Variants in TSPAN5 observed in about 807,000 individuals in gnomAD.
TSPAN5 encodes tetraspanin 5.
In TSPAN5, 10 loss-of-function variants were observed where a neutral mutation model predicts 37.1. That is an observed-to-expected ratio of 0.27 (90% CI 0.17 to 0.46). The LOEUF is 0.46. Among genes scored for constraint, TSPAN5 ranks in the 20% least tolerant of loss-of-function variants. TSPAN5 has a pLI of 1.00. For synonymous variants in TSPAN5, 110 were observed against 118.9 expected (o/e 0.93, Z 0.48); for missense variants, 195 against 326.6 (o/e 0.60, Z 3.11).
At chr4:98,584,333 T>G (rs1755439917) in intron 1 of TSPAN5, among the ~76,000 whole-genome samples, 1 of 152,206 alleles carries the variant, frequency 6.6e-6, no homozygotes, top group South Asian at 2.1e-4. Context: ...GCAGTGAAAA[T>G]ACTCATTTCT....
chr4:98,571,564 GT>G (rs929009632), intron 1 of TSPAN5, among the ~76,000 whole-genome samples: 1 of 150,760 alleles, frequency 6.6e-6, no homozygotes, highest in African/African-American at 2.4e-5. Flanking sequence ...GGTGAGGTAA[GT>G]AAAAAAAAAC....
chr4:98,602,285 C>G (rs1210487414), intron 1 of TSPAN5, among the ~76,000 whole-genome samples: 1 of 151,984 alleles, frequency 6.6e-6, no homozygotes. Flanking sequence ...ATGTGAAGAG[C>G]AATAAAGTGA....
At chr4:98,479,000 G>C (rs2110256510) in intron 4 of TSPAN5, among the ~76,000 whole-genome samples, 190 bp from the exon 5 acceptor site, 1 of 152,284 alleles carries the variant, frequency 6.6e-6, no homozygotes, top group East Asian at 1.9e-4. Context: ...CTGAAGGTTT[G>C]TAGGGATGTG....
At chr4:98,535,917 T>C (rs535767674) in intron 1 of TSPAN5, among the ~76,000 whole-genome samples, 1 of 152,330 alleles carries the variant, frequency 6.6e-6, no homozygotes, top group Non-Finnish European at 1.5e-5. Context: ...CTGGTTATTC[T>C]AGTTAGCAAT....
chr4:98,630,902 G>A (rs74737300), intron 1 of TSPAN5, among the ~76,000 whole-genome samples: 2,098 of 152,244 alleles, frequency 0.014, 34 homozygotes, highest in African/African-American at 0.039. Context: ...AAGTACAAAC[G>A]AAGGGAATCA....
chr4:98,498,920 T>C (rs748509523), intron 2 of TSPAN5, among the ~76,000 whole-genome samples: 46 of 152,054 alleles, frequency 3.0e-4, no homozygotes, highest in Non-Finnish European at 3.8e-4. Context: ...GATGAGTATG[T>C]CCTGGAGAAA....
At chr4:98,524,781 A>G in intron 1 of TSPAN5, among the ~76,000 whole-genome samples, 1 of 152,096 alleles carries the variant, frequency 6.6e-6, no homozygotes, top group East Asian at 1.9e-4. Flanking sequence ...TGCTCAAAAG[A>G]GAAAAATCTG....
intron 7 of TSPAN5, among the ~76,000 whole-genome samples, chr4:98,473,211 C>T (rs1752624003): frequency 6.6e-6 from 1 of 152,164 alleles, no homozygotes; most frequent in African/African-American, 2.4e-5. Flanking sequence ...GAATTGCTGA[C>T]TCATATGGTA....
intron 1 of TSPAN5, among the ~76,000 whole-genome samples, chr4:98,629,471 T>A (rs1303928954): frequency 6.6e-6 from 1 of 152,242 alleles, no homozygotes; most frequent in Admixed American, 6.5e-5. Flanking sequence ...CCTAAAATGC[T>A]GATAAATTAC....
At chr4:98,605,215 A>G (rs1756004458) in intron 1 of TSPAN5, among the ~76,000 whole-genome samples, 1 of 152,214 alleles carries the variant, frequency 6.6e-6, no homozygotes, top group Admixed American at 6.5e-5. Flanking sequence ...AAAAACCGCA[A>G]GGTTTGAAAG....
chr4:98,500,739 T>C (rs1205638886), intron 2 of TSPAN5, among the ~76,000 whole-genome samples: 1 of 152,232 alleles, frequency 6.6e-6, no homozygotes. Flanking sequence ...TCTTTTTGCA[T>C]GTTCTCATTG....
intron 1 of TSPAN5, among the ~76,000 whole-genome samples, chr4:98,553,890 A>G (rs1231427156): frequency 6.6e-6 from 1 of 152,062 alleles, no homozygotes; most frequent in African/African-American, 2.4e-5. Flanking sequence ...CACATGACGA[A>G]ACCCTGTCTC....
At chr4:98,491,461 G>A (rs751689334) in intron 2 of TSPAN5, among the ~76,000 whole-genome samples, 13 of 152,036 alleles carry the variant, frequency 8.6e-5, no homozygotes, top group Non-Finnish European at 1.2e-4. Flanking sequence ...AGGCCAAGGC[G>A]GACAGATCAT....
intron 1 of TSPAN5, among the ~76,000 whole-genome samples, chr4:98,545,498 A>ATTTTTTCATTTAACCACAC: frequency 6.6e-6 from 1 of 152,104 alleles, no homozygotes; most frequent in East Asian, 1.9e-4. Context: ...CTTACTGTTC[A>ATTTTTTCATTTAACCACAC]TGCTTTTGAA....
intron 1 of TSPAN5, among the ~76,000 whole-genome samples, chr4:98,521,026 G>A (rs576121615): frequency 7.9e-4 from 121 of 152,266 alleles, no homozygotes; most frequent in African/African-American, 2.5e-3. Flanking sequence ...CCACCTCCCC[G>A]GTTCAAGCGA....
At chr4:98,531,048 A>G (rs1754070452) in intron 1 of TSPAN5, among the ~76,000 whole-genome samples, 1 of 152,200 alleles carries the variant, frequency 6.6e-6, no homozygotes, top group Non-Finnish European at 1.5e-5. Flanking sequence ...CTGGGATTAC[A>G]GGCACACTTC....
chr4:98,542,602 C>G (rs1176607697), intron 1 of TSPAN5, among the ~76,000 whole-genome samples: 1 of 151,958 alleles, frequency 6.6e-6, no homozygotes, highest in African/African-American at 2.4e-5. Context: ...GCCTATAGTC[C>G]TAGCTACTCA....
At chr4:98,655,262 A>G (rs1757271882) in intron 1 of TSPAN5, among the ~76,000 whole-genome samples, 1 of 152,220 alleles carries the variant, frequency 6.6e-6, no homozygotes, top group African/African-American at 2.4e-5. Context: ...CTAACAGAAA[A>G]TGTCTATAAT....
intron 1 of TSPAN5, among the ~76,000 whole-genome samples, chr4:98,643,747 T>C (rs1757005128): frequency 6.6e-6 from 1 of 152,248 alleles, no homozygotes. Context: ...AGTTGTATCA[T>C]CTAGACAGCT....
Sources: gnomAD v4.1 joint callset for allele counts (sites outside exome capture counted in the v4.1 genomes callset) on GRCh38, gnomAD v4.1.1 for gene constraint, MANE v1.5 for transcripts, NCBI Gene and HGNC (gene_info 2026-07-23, HGNC 2026-07-21) for gene names.